Variants in UTP4 observed in about 807,000 individuals in gnomAD.
UTP4 encodes the protein U3 small nucleolar RNA-associated protein 4 homolog.
In UTP4, 45 loss-of-function variants were observed where a neutral mutation model predicts 82.4. The ratio of observed to expected loss-of-function variants is 0.55; its 90% CI spans 0.43 to 0.70. The LOEUF (loss-of-function observed/expected upper bound fraction) is 0.70, where lower values mean the gene tolerates loss of function less well. UTP4 is among the 30% of genes least tolerant of loss of function. UTP4 has a pLI of 0.00. For synonymous variants in UTP4, 348 were observed against 300.3 expected, an observed-to-expected ratio of 1.16 and a Z score of -1.64; for missense variants, 819 against 858.3, an observed-to-expected ratio of 0.95 and a Z score of 0.57.
intron 13 of UTP4, among the ~76,000 whole-genome samples, chr16:69,162,563 T>C (rs1963590616): frequency 6.6e-6 from 1 of 151,646 alleles, no homozygotes; most frequent in South Asian, 2.1e-4. Flanking sequence ...AATACAAAAA[T>C]TAGCCAGGCA....
At chr16:69,159,139 C>T (rs1206345538) in intron 12 of UTP4, among the ~76,000 whole-genome samples, 1 of 152,020 alleles carries the variant, frequency 6.6e-6, no homozygotes, top group Non-Finnish European at 1.5e-5. Context: ...TGCATTGGTG[C>T]CATCTCGGCT....
intron 2 of UTP4, among the ~76,000 whole-genome samples, chr16:69,136,418 G>C (rs910690703): frequency 1.3e-5 from 2 of 152,214 alleles, no homozygotes; most frequent in African/African-American, 4.8e-5. Context: ...TGTAGAGACA[G>C]TGTCTCACTC....
Position 69,153,631 on chromosome 16 carries a change from G to A in UTP4, c.1050G>A (p.Gln350=), listed in dbSNP as rs184771566. The change falls in exon 9 of 17, where the codon CAG becomes CAA. Residue 350 remains glutamine (Q), a synonymous_variant. Coordinates refer to ENST00000314423, the MANE Select transcript of UTP4 (RefSeq NM_032830.3). ...CSKKRQLLLF[Q]FAHHLELWRL... ...AAAAGAGGCAGCTTCTCCTCTTCCA[G>A]TTTGCTCATCACTTAGAACTTTGGC... 73 of 1,613,576 alleles carry A rather than the reference G, an allele frequency of 4.5e-5. No homozygotes were observed. In the Middle Eastern group the frequency reaches 4.9e-4, roughly 11 times the overall value.
intron 10 of UTP4, among the ~76,000 whole-genome samples, chr16:69,154,704 T>TTTA (rs1963362994): frequency 1.8e-4 from 26 of 147,024 alleles, no homozygotes; most frequent in African/African-American, 5.5e-4. Context: ...AATAATGTGC[T>TTTA]TTTATTTATT....
At chr16:69,143,629 C>A (rs1328377219) in intron 6 of UTP4, among the ~76,000 whole-genome samples, 1 of 152,224 alleles carries the variant, frequency 6.6e-6, no homozygotes, top group African/African-American at 2.4e-5. Context: ...AGACACTGCT[C>A]ACTTCCAGTT....
In UTP4 at chr16:69,150,801, C is replaced by T; in HGVS notation, c.911-12C>T. The T allele has an allele frequency of 1.9e-6, 3 of 1,613,788 alleles. No individual in the cohort carries two copies. The highest frequency in any genetic ancestry group is 2.5e-6 in the Non-Finnish European group (3 of 1,179,670). On this transcript the variant is annotated splice_polypyrimidine_tract_variant and intron_variant, in intron 7 of 16. Coordinates refer to ENST00000314423, the MANE Select transcript of UTP4 (RefSeq NM_032830.3). ...CTTCTAATTCTGTACACCTTCTCCCCTGCTTTCCCAGGCACTGACACCCAC... is the reference window on the plus strand; with the variant it reads ...CTTCTAATTCTGTACACCTTCTCCCTTGCTTTCCCAGGCACTGACACCCAC...
intron 6 of UTP4, among the ~76,000 whole-genome samples, chr16:69,147,213 A>T (rs1473315209): frequency 6.9e-6 from 1 of 144,408 alleles, no homozygotes; most frequent in Non-Finnish European, 1.5e-5. Context: ...AATAATAATA[A>T]TAATAATAAG....
At chr16:69,151,309 G>A (rs902555902) in intron 8 of UTP4, among the ~76,000 whole-genome samples, 9 of 146,020 alleles carry the variant, frequency 6.2e-5, no homozygotes, top group Non-Finnish European at 9.0e-5. Context: ...GCTCAGCTTT[G>A]TGGTCCTTTT....
At chr16:69,138,122 T>A in intron 4 of UTP4, 1 of 533,812 alleles carries the variant, frequency 1.9e-6, no homozygotes. Flanking sequence ...GGAAAGCTAG[T>A]GTTTCTGTGG....
chr16:69,153,541 T>C, intron 8 of UTP4, 43 bp from the exon 9 acceptor site: 1 of 1,406,384 alleles, frequency 7.1e-7, no homozygotes, highest in South Asian at 1.2e-5. Context: ...AGGCAGTAGA[T>C]GACCCTGACT....
Position 69,133,606 on chromosome 16 carries a change from C to G in UTP4, c.147C>G (p.Tyr49Ter), listed in dbSNP as rs1268397156. 6.2e-7 allele frequency: 1 copy of G among 1,613,970 alleles called. No individual in the cohort carries two copies. Among genetic ancestry groups the G allele is most frequent in the East Asian group, 2.2e-5 (1 of 44,890 alleles). ...TVEIYNLSANYFQEKFFPGHE... is the reference protein window; with the variant it reads ...TVEIYNLSAN Reference sequence around the variant, plus strand: ...AAATTTATAACTTGTCAGCAAACTACTTTCAGGAGAAAGTAAGTCATTTGG... The same window carrying G: ...AAATTTATAACTTGTCAGCAAACTAGTTTCAGGAGAAAGTAAGTCATTTGG... The change falls in exon 2 of 17, where the codon TAC (tyrosine) becomes TAG (stop). Residue 49 changes from tyrosine (Y) to a stop codon, truncating the protein, a stop_gained. Transcript: ENST00000314423. LOFTEE classifies it high-confidence loss of function.
chr16:69,144,568 G>A (rs1419785619), intron 6 of UTP4, among the ~76,000 whole-genome samples: 1 of 152,228 alleles, frequency 6.6e-6, no homozygotes, highest in Non-Finnish European at 1.5e-5. Context: ...TTTTAGCAGT[G>A]AGACATGGAA....
intron 13 of UTP4, among the ~76,000 whole-genome samples, chr16:69,161,593 G>A (rs962868910): frequency 2.0e-4 from 30 of 152,356 alleles, no homozygotes; most frequent in African/African-American, 6.7e-4. Flanking sequence ...AGTTTGTACA[G>A]ATGGATTTAC....
rs367680748 is a variant in UTP4 at position 69,155,940 on chromosome 16, C to G, written c.1234C>G (p.Arg412Gly). 1.9e-6 allele frequency: 3 copies of G among 1,613,856 alleles called. No homozygotes were observed. The highest frequency in any genetic ancestry group is 2.7e-5 in the African/African-American group (2 of 74,866). ...TTGGATAGCCTATTCTACAGTTTCTCGGTTTTTTCTCTATCGGCTGAATTA... is the reference window on the plus strand; with the variant it reads ...TTGGATAGCCTATTCTACAGTTTCTGGGTTTTTTCTCTATCGGCTGAATTA... ...GSWIAYSTVS[R>G]FFLYRLNYEH... Residue 412 changes from arginine to glycine, a missense_variant, in exon 11 of 17, where the codon CGG becomes GGG. Physicochemically the swap from Arg to Gly is moderately radical, Grantham distance 125. Coordinates refer to ENST00000314423, the MANE Select transcript of UTP4 (RefSeq NM_032830.3).
At chr16:69,143,427 C>T (rs763900120) in intron 6 of UTP4, 38 bp downstream of exon 6, 2 of 1,575,590 alleles carry the variant, frequency 1.3e-6, no homozygotes, top group Non-Finnish European at 1.7e-6. Flanking sequence ...TGATGTACAC[C>T]CTTGTGGGGT....
chr16:69,159,984 C>CAAA (rs747900916), intron 12 of UTP4, among the ~76,000 whole-genome samples: 1 of 90,458 alleles, frequency 1.1e-5, no homozygotes, highest in African/African-American at 4.2e-5. Context: ...GACTCCATCT[C>CAAA]AAAAAAAAAA....
rs766690535 is a variant in UTP4 at position 69,153,587 on chromosome 16, T to A, written c.1006T>A (p.Cys336Ser). The change falls in exon 9 of 17, where the codon TGT becomes AGT. Residue 336 changes from cysteine to serine, a missense_variant. Transcript: ENST00000314423. ...ACTTCTTGATTCTTGGATATAGCGA[T>A]GTCTCATCTCCTGTTCTAAAAAGAG... ...ALRKITFPHRCLISCSKKRQL... is the reference protein window; with the variant it reads ...ALRKITFPHRSLISCSKKRQL... 6.2e-7 allele frequency: 1 copy of A among 1,611,652 alleles called. No individual in the cohort carries two copies. Among genetic ancestry groups the A allele is most frequent in the Non-Finnish European group, 8.5e-7 (1 of 1,178,284 alleles).
intron 1 of UTP4, 100 bp from the exon 2 acceptor site, chr16:69,133,357 TG>T (rs1962702041): frequency 2.6e-6 from 3 of 1,151,468 alleles, no homozygotes; most frequent in Non-Finnish European, 3.9e-6. Flanking sequence ...GAGATGTTGT[TG>T]GAGCCTTCCA....
At chr16:69,133,222 T>C (rs1962693641) in intron 1 of UTP4, among the ~76,000 whole-genome samples, 1 of 152,070 alleles carries the variant, frequency 6.6e-6, no homozygotes, top group Non-Finnish European at 1.5e-5. Context: ...TCTGGAGCTA[T>C]GGAGTAGGAC....
Sources: gnomAD v4.1 joint callset for allele counts (sites outside exome capture counted in the v4.1 genomes callset) on GRCh38, gnomAD v4.1.1 for gene constraint, MANE v1.5 for transcripts, NCBI Gene and HGNC (gene_info 2026-07-23, HGNC 2026-07-21) for gene names.